Variants in NPIPB2 observed in about 807,000 individuals in gnomAD.
The protein encoded by NPIPB2 is nuclear pore complex-interacting protein family member B2.
Under a neutral mutation model 30.8 loss-of-function variants are expected in NPIPB2, and 27 were observed. That is an observed-to-expected ratio of 0.88 (90% CI 0.65 to 1.21). NPIPB2 has a LOEUF of 1.21. Ranked by LOEUF, NPIPB2 falls within the 50% of genes most tolerant of loss-of-function variation. The pLI, the probability that NPIPB2 is intolerant of heterozygous loss-of-function variation, is 0.00. For synonymous variants in NPIPB2, 147 were observed against 162.0 expected, an observed-to-expected ratio of 0.91 and a Z score of 0.70; for missense variants, 440 against 446.2, an observed-to-expected ratio of 0.99 and a Z score of 0.13.
intron 1 of NPIPB2, chr16:11,967,804 C>CT (rs2055207722): frequency 6.2e-7 from 1 of 1,614,056 alleles, no homozygotes; most frequent in Admixed American, 1.7e-5. Flanking sequence ...CTGCCAGCTG[C>CT]TTTGAGTGCT....
At chr16:11,937,406 C>T (rs2054882612) in intron 2 of NPIPB2, 134 bp downstream of exon 2, 1 of 627,780 alleles carries the variant, frequency 1.6e-6, no homozygotes, top group Non-Finnish European at 2.6e-6. Context: ...AATTCTTATG[C>T]TAATAAATCA....
intron 1 of NPIPB2, among the ~76,000 whole-genome samples, chr16:11,953,967 C>G (rs908392310): frequency 6.6e-6 from 1 of 152,004 alleles, no homozygotes; most frequent in African/African-American, 2.4e-5. Context: ...TGAGCCACCA[C>G]GCCCAGCCTC....
chr16:11,932,131 C>A (rs940095050), intron 4 of NPIPB2, among the ~76,000 whole-genome samples: 3 of 151,080 alleles, frequency 2.0e-5, no homozygotes, highest in Non-Finnish European at 2.9e-5. Context: ...CCTGCACCGA[C>A]GACCTCAATT....
intron 1 of NPIPB2, chr16:11,964,027 C>G (rs1181595966): frequency 1.4e-5 from 2 of 139,880 alleles, no homozygotes; most frequent in East Asian, 2.1e-4. Context: ...GAGTGAGACT[C>G]TGTCAAAAAA....
chr16:11,927,412 C>A, exon 8 of NPIPB2: 1 of 1,060,576 alleles, frequency 9.4e-7, no homozygotes. Context: ...GCTTACTCAA[C>A]CTCCGCCTCT....
chr16:11,933,682 T>G, exon 4 of NPIPB2: 4 of 1,597,024 alleles, frequency 2.5e-6, no homozygotes, highest in Non-Finnish European at 3.4e-6. Flanking sequence ...AGAAACTCTT[T>G]TCTTTGTGTG....
intron 1 of NPIPB2, among the ~76,000 whole-genome samples, chr16:11,960,883 T>C (rs2055148329): frequency 6.6e-6 from 1 of 151,684 alleles, no homozygotes; most frequent in Non-Finnish European, 1.5e-5. Flanking sequence ...TTTTTTTTTT[T>C]TGAGACACGG....
intron 1 of NPIPB2, among the ~76,000 whole-genome samples, chr16:11,974,799 C>G (rs985123797): frequency 6.6e-6 from 1 of 151,668 alleles, no homozygotes; most frequent in Admixed American, 6.6e-5. Context: ...ATGTGCAGGG[C>G]GCGGTGGCTC....
At chr16:11,967,431 G>A in intron 1 of NPIPB2, 1 of 839,922 alleles carries the variant, frequency 1.2e-6, no homozygotes, top group Non-Finnish European at 1.8e-6. Flanking sequence ...TGCAGCCTGG[G>A]CAACACAGTA....
intron 2 of NPIPB2, among the ~76,000 whole-genome samples, chr16:11,934,582 C>A: frequency 2.0e-5 from 3 of 147,662 alleles, no homozygotes; most frequent in African/African-American, 2.5e-5. Flanking sequence ...AAAAATAGGC[C>A]AGGTGCGGTA....
chr16:11,955,591 C>T (rs1393280298), intron 1 of NPIPB2, among the ~76,000 whole-genome samples: 2 of 151,490 alleles, frequency 1.3e-5, no homozygotes, highest in Non-Finnish European at 1.5e-5. Context: ...GTGGCACGCC[C>T]CTTTATTCCC....
chr16:11,971,490 AT>A (rs1567481263), intron 1 of NPIPB2, among the ~76,000 whole-genome samples: 1 of 150,404 alleles, frequency 6.6e-6, no homozygotes, highest in Non-Finnish European at 1.5e-5. Context: ...AGATTCAGAG[AT>A]TTTCTTTCTT....
chr16:11,975,101 T>C (rs1335748321), intron 1 of NPIPB2, among the ~76,000 whole-genome samples: 2 of 142,048 alleles, frequency 1.4e-5, no homozygotes, highest in African/African-American at 5.2e-5. Flanking sequence ...AAAAGAACGT[T>C]GTGAATGTGT....
At chr16:11,955,279 G>A (rs1401662798) in intron 1 of NPIPB2, among the ~76,000 whole-genome samples, 1 of 151,370 alleles carries the variant, frequency 6.6e-6, no homozygotes, top group Non-Finnish European at 1.5e-5. Flanking sequence ...ACTTGAACCT[G>A]GGAGGCGGGG....
intron 1 of NPIPB2, among the ~76,000 whole-genome samples, chr16:11,962,708 C>T (rs1479806105): frequency 6.6e-6 from 1 of 151,380 alleles, no homozygotes; most frequent in Non-Finnish European, 1.5e-5. Flanking sequence ...AAAAGACTTA[C>T]TTTTCATTGA....
intron 1 of NPIPB2, among the ~76,000 whole-genome samples, chr16:11,972,818 C>G (rs977822573): frequency 6.7e-6 from 1 of 149,162 alleles, no homozygotes; most frequent in Non-Finnish European, 1.5e-5. Context: ...GAGCCGAGAT[C>G]ACGCCAGTGC....
chr16:11,973,984 C>G (rs1490531446), intron 1 of NPIPB2, among the ~76,000 whole-genome samples: 1 of 152,150 alleles, frequency 6.6e-6, no homozygotes, highest in East Asian at 1.9e-4. Flanking sequence ...GGGTCTTTAT[C>G]TTGTGAAAGC....
chr16:11,954,698 G>A (rs1200103793), intron 1 of NPIPB2, among the ~76,000 whole-genome samples: 1 of 151,662 alleles, frequency 6.6e-6, no homozygotes, highest in African/African-American at 2.4e-5. Context: ...ACGAGGTCAG[G>A]AGATCAAGAC....
intron 1 of NPIPB2, among the ~76,000 whole-genome samples, chr16:11,969,750 G>A (rs577576837): frequency 5.3e-5 from 8 of 152,252 alleles, no homozygotes; most frequent in South Asian, 4.1e-4. Context: ...AACGGTGCAC[G>A]ACATACTGTT....
Sources: allele counts gnomAD v4.1 joint callset (sites outside exome capture counted in the v4.1 genomes callset), GRCh38; gene constraint gnomAD v4.1.1; transcripts MANE v1.5; gene names NCBI Gene and HGNC (gene_info 2026-07-23, HGNC 2026-07-21).